HERC1: variants seen among roughly 807,000 people sequenced by gnomAD.
HERC1 encodes the protein HECT and RLD domain containing E3 ubiquitin protein ligase family member 1.
HERC1 carries 160 observed loss-of-function variants against 554.3 expected under a neutral mutation model. The ratio of observed to expected loss-of-function variants is 0.29; its 90% confidence interval spans 0.25 to 0.33. The LOEUF (loss-of-function observed/expected upper bound fraction) is 0.33, where lower values mean the gene tolerates loss of function less well. HERC1 is among the 10% of genes least tolerant of loss of function. The pLI is 1.00. For synonymous variants in HERC1, 2,175 were observed against 2,131.7 expected, an observed-to-expected ratio of 1.02 and a Z score of -0.56; for missense variants, 4,919 against 5,918.5, an observed-to-expected ratio of 0.83 and a Z score of 5.54.
chr15:63,749,876 A>G lies in HERC1; in HGVS notation c.1903-85T>C, dbSNP rs1305534660. 8.7e-7 allele frequency: 1 copy of G among 1,144,734 alleles called. No individual in the cohort carries two copies. The highest frequency in any genetic ancestry group is 3.3e-5 in the Admixed American group (1 of 30,174). The allele number at this position is 1,144,734 out of a possible 1,614,324, so 70.9% of individuals were successfully genotyped here. A position where few individuals can be genotyped will look rare whatever the true frequency, so the allele number is the denominator to read the frequency against. On this transcript the variant is annotated intron_variant, in intron 8 of 77. Coordinates refer to ENST00000443617, the MANE Select transcript of HERC1 (RefSeq NM_003922.4). The surrounding 1 kb of genome is among the most constrained non-coding windows in gnomAD (Gnocchi z 4.1). ...AGGGATAAATGAAATCTATGAAACT[A>G]AAGTGTGGTTTGATAGTAAATAACT...
chr15:63,770,997 T>C (rs939745341), intron 2 of HERC1, among the ~76,000 whole-genome samples: 1 of 152,138 alleles, frequency 6.6e-6, no homozygotes, highest in Non-Finnish European at 1.5e-5. Context: ...GAGACCAGCC[T>C]GGCCAACATG....
rs544724589 is a variant in HERC1, at chr15:63,687,453, G to A, written c.6049-918C>T. On this transcript the variant is annotated intron_variant, in intron 33 of 77. Coordinates refer to ENST00000443617, the MANE Select transcript of HERC1 (RefSeq NM_003922.4). ...CTTAGGAAGCTGAGACAGAAGAATCGCTTGAACCGGGGAGGCAGAGGTTGC... is the reference window on the plus strand; with the variant it reads ...CTTAGGAAGCTGAGACAGAAGAATCACTTGAACCGGGGAGGCAGAGGTTGC... Among the ~76,000 whole-genome samples, 38 of 152,032 alleles carry A rather than the reference G, an allele frequency of 2.5e-4. 1 individual carries two copies. In the South Asian group the frequency reaches 7.5e-3, roughly 30 times the overall value.
intron 12 of HERC1, among the ~76,000 whole-genome samples, chr15:63,743,142 A>G (rs1289301618): frequency 6.6e-6 from 1 of 152,028 alleles, no homozygotes; most frequent in Non-Finnish European, 1.5e-5. Flanking sequence ...TTTAAGGCCA[A>G]CAACTCTTTG....
chr15:63,722,994 G>A (rs1011427029), intron 19 of HERC1, among the ~76,000 whole-genome samples, 188 bp downstream of exon 19: 1 of 151,734 alleles, frequency 6.6e-6, no homozygotes, highest in Non-Finnish European at 1.5e-5. Context: ...TGGAATACAT[G>A]TATATAAAAA....
chr15:63,637,413 C>G (rs2068829917), intron 64 of HERC1, 92 bp downstream of exon 64: 4 of 1,050,698 alleles, frequency 3.8e-6, no homozygotes, highest in Non-Finnish European at 5.5e-6. Context: ...ATGATTTTAT[C>G]TAGCAAAGGT....
rs2069170074 is a variant in HERC1 at position 63,643,444 on chromosome 15, G to A, written c.11291C>T (p.Ser3764Phe). 1 of 1,613,346 alleles carries A rather than the reference G, an allele frequency of 6.2e-7. No homozygotes were observed. Among genetic ancestry groups the A allele is most frequent in the Admixed American group, 1.7e-5 (1 of 59,942 alleles). The part of the protein sequence containing the change: ...AFSSDGLALV[S>F]GGLGGLMNIW... ...GTTCATGAGCCCACCTAGTCCACCA[G>A]ACACCAGGGCCAACCCATCAGAACT... is the stretch of plus-strand genomic sequence containing the variant. The change falls in exon 58 of 78, where the codon TCT (serine) becomes TTT (phenylalanine). Residue 3764 changes from serine (S) to phenylalanine (F), a missense_variant. Physicochemically the swap from Ser to Phe is radical, Grantham distance 155 (BLOSUM62 -2). Coordinates refer to ENST00000443617, the MANE Select transcript of HERC1 (RefSeq NM_003922.4).
chr15:63,661,163 T>A, intron 45 of HERC1, 138 bp from the exon 46 acceptor site: 2 of 646,276 alleles, frequency 3.1e-6, no homozygotes, highest in Non-Finnish European at 5.5e-6. Context: ...TGTTATAGGC[T>A]AACATAATAA....
intron 18 of HERC1, among the ~76,000 whole-genome samples, chr15:63,725,036 C>A (rs1171196357): frequency 6.6e-6 from 1 of 152,118 alleles, no homozygotes; most frequent in Non-Finnish European, 1.5e-5. Flanking sequence ...AGATGACTTG[C>A]TCAAAATGAG....
intron 18 of HERC1, among the ~76,000 whole-genome samples, chr15:63,723,731 T>C (rs1475903733): frequency 6.6e-6 from 1 of 152,222 alleles, no homozygotes; most frequent in Non-Finnish European, 1.5e-5. Context: ...TGGAATGATA[T>C]CCTCTTTGAG....
In HERC1 at chr15:63,734,752, T is replaced by C; in HGVS notation, c.2618A>G (p.Asp873Gly). The C allele has an allele frequency of 6.3e-7, 1 of 1,584,954 alleles. No individual in the cohort carries two copies. Among genetic ancestry groups the C allele is most frequent in the South Asian group, 1.2e-5 (1 of 85,724 alleles). ...LLHSLLPQGP[D>G]RWESLSKGQR... ...TCCTTTAGATAAGCTTTCCCATCTA[T>C]CAGGTCCTTGAGGTAAAAGAGAATG... The change falls in exon 13 of 78, where the codon GAT becomes GGT. Residue 873 changes from aspartate (D) to glycine (G), a missense_variant. Physicochemically the swap from Asp to Gly is moderately conservative, Grantham distance 94. Coordinates refer to ENST00000443617, the MANE Select transcript of HERC1 (RefSeq NM_003922.4). The surrounding 1 kb of genome is among the most constrained non-coding windows in gnomAD (Gnocchi z 4.6).
Position 63,758,318 on chromosome 15 carries a change from T to C in HERC1, c.1078A>G (p.Ile360Val). The C allele has an allele frequency of 1.2e-6, 2 of 1,612,770 alleles. No individual in the cohort carries two copies. Among genetic ancestry groups the C allele is most frequent in the South Asian group, 1.1e-5 (1 of 91,022 alleles). The stretch of plus-strand genomic sequence containing the variant: ...ACAATGGGAGCATCACCAGTCTGAA[T>C]GCTATCTGGGCTAGCACATGTTCTC... ...YSRTCASPDS[I>V]QTGDAPIVSE... The change falls in exon 4 of 78, where the codon ATT (isoleucine) becomes GTT (valine). Residue 360 changes from isoleucine (I) to valine (V), a missense_variant. Transcript: ENST00000443617. The surrounding 1 kb of genome is among the most constrained non-coding windows in gnomAD (Gnocchi z 4.0).
chr15:63,678,315 T>C lies in HERC1; in HGVS notation c.6600A>G (p.Pro2200=), dbSNP rs1230615319. 1.2e-6 allele frequency: 2 copies of C among 1,612,792 alleles called. No individual in the cohort carries two copies. The highest frequency in any genetic ancestry group is 1.3e-5 in the African/African-American group (1 of 74,988). The change falls in exon 37 of 78, where the codon CCA becomes CCG. Residue 2200 remains proline, a synonymous_variant. Transcript: ENST00000443617. The part of the protein sequence containing the change: ...QMRGTPRDLL[P]GDPICSPVAA... ...CTACTGGACTACAAATAGGGTCTCC[T>C]GGAAGTAAGTCTCGGGGTGTGCCAC...
At chr15:63,757,262 C>CTTTTTTTTTTTTTTT (rs56196711) in intron 4 of HERC1, among the ~76,000 whole-genome samples, 4 of 107,876 alleles carry the variant, frequency 3.7e-5, no homozygotes, top group Non-Finnish European at 7.3e-5. Flanking sequence ...TTTTTATTTA[C>CTTTTTTTTTTTTTTT]TTTTTTTTTT....
rs1320935746 is a variant in HERC1, at chr15:63,632,795, C to T, written c.12710G>A (p.Cys4237Tyr). 6.4e-7 allele frequency: 1 copy of T among 1,561,918 alleles called. No individual in the cohort carries two copies. The highest frequency in any genetic ancestry group is 1.2e-5 in the South Asian group (1 of 84,784). Residue 4237 changes from cysteine (C) to tyrosine (Y), a missense_variant, in exon 68 of 78, where the codon TGT becomes TAT. This residue lies in a region of HERC1 where 410 missense variants were observed against 467.0 expected (regional missense o/e 0.88). Transcript: ENST00000443617. ...KSSPQKIDVL[C>Y]GIGIKKVACG... Reference sequence around the variant, plus strand: ...AGCAACCTTTTTTATTCCAATTCCACAAAGGACGTCAATTTTCTACAAAAT... The same window carrying T: ...AGCAACCTTTTTTATTCCAATTCCATAAAGGACGTCAATTTTCTACAAAAT...
Position 63,674,799 on chromosome 15 carries a change from G to T in HERC1, c.7389C>A (p.Ile2463=), listed in dbSNP as rs374567563. ...GTGTTGGATCTAAAGAAAATGAAGC[G>T]ATTTCATTTTCTGATTTGGAGCTTG... ...STTSSKSENE[I]ASFSLDPTLP... is the part of the protein sequence containing the mutation. Residue 2463 remains isoleucine (I), a synonymous_variant, in exon 38 of 78, where the codon ATC becomes ATA. Coordinates refer to ENST00000443617, the MANE Select transcript of HERC1 (RefSeq NM_003922.4). 2.5e-6 allele frequency: 4 copies of T among 1,613,802 alleles called. No individual in the cohort carries two copies. Among genetic ancestry groups the T allele is most frequent in the Middle Eastern group, 3.3e-4 (2 of 6,062 alleles).
chr15:63,700,357 C>T lies in HERC1; in HGVS notation c.4637-1361G>A, dbSNP rs563800298. Among the ~76,000 whole-genome samples, 4 of 151,884 alleles carry T rather than the reference C, an allele frequency of 2.6e-5. No homozygotes were observed. In the East Asian group the frequency reaches 7.7e-4, roughly 29 times the overall value. On this transcript the variant is annotated intron_variant, in intron 25 of 77. Coordinates refer to ENST00000443617, the MANE Select transcript of HERC1 (RefSeq NM_003922.4). The stretch of plus-strand genomic sequence containing the variant: ...ATCTTAAGGTACCCAATTAAATATG[C>T]ATAAAAATTATATCAGTTATGTAAC...
intron 38 of HERC1, among the ~76,000 whole-genome samples, chr15:63,673,966 C>T (rs2071068158): frequency 6.6e-6 from 1 of 152,200 alleles, no homozygotes; most frequent in Admixed American, 6.5e-5. Flanking sequence ...CTCAAGTGAT[C>T]TGCCCACCTC....
chr15:63,832,340 C>A (rs2078185930), intron 1 of HERC1, among the ~76,000 whole-genome samples: 1 of 152,044 alleles, frequency 6.6e-6, no homozygotes, highest in African/African-American at 2.4e-5. Context: ...CTAGGACATT[C>A]AATTTTGCTT....
chr15:63,658,750 A>T (rs2070186590), intron 47 of HERC1, 32 bp from the exon 48 acceptor site: 1 of 1,557,522 alleles, frequency 6.4e-7, no homozygotes, highest in African/African-American at 1.4e-5. Flanking sequence ...TGTTCTCAAC[A>T]AGGTAAGAAA....
Sources: allele counts gnomAD v4.1 joint callset (sites outside exome capture counted in the v4.1 genomes callset), GRCh38; gene constraint gnomAD v4.1.1; regional missense constraint gnomAD v4.1.1; non-coding constraint Gnocchi (gnomAD v3.1); transcripts MANE v1.5; gene names NCBI Gene and HGNC (gene_info 2026-07-23, HGNC 2026-07-21).